The following CADPS2 variants were observed in gnomAD, a reference collection of about 807,000 sequenced individuals.
CADPS2 encodes the protein calcium-dependent secretion activator 2.
CADPS2 carries 93 observed loss-of-function variants against 172.5 expected under a neutral mutation model. The observed-to-expected ratio is 0.54, with a 90% confidence interval of 0.46 to 0.64. The LOEUF (loss-of-function observed/expected upper bound fraction) is 0.64, where lower values mean the gene tolerates loss of function less well. Among genes scored for constraint, CADPS2 ranks in the 30% least tolerant of loss-of-function variants. CADPS2 has a pLI of 0.00. For synonymous variants in CADPS2, 546 were observed against 555.2 expected, an observed-to-expected ratio of 0.98 and a Z score of 0.23; for missense variants, 1,420 against 1,565.9, an observed-to-expected ratio of 0.91 and a Z score of 1.57.
intron 2 of CADPS2, among the ~76,000 whole-genome samples, chr7:122,708,165 A>G (rs2087906060): frequency 6.6e-6 from 1 of 151,774 alleles, no homozygotes; most frequent in Non-Finnish European, 1.5e-5. Context: ...TAACTATTCT[A>G]TTAATCTCCT....
intron 17 of CADPS2, chr7:122,424,439 G>A (rs1563303517): frequency 4.4e-6 from 2 of 459,316 alleles, no homozygotes; most frequent in Non-Finnish European, 5.7e-6. Flanking sequence ...AATCCAAACT[G>A]AGCAGTCTCC....
intron 8 of CADPS2, among the ~76,000 whole-genome samples, chr7:122,518,322 A>C (rs2060527529): frequency 6.6e-6 from 1 of 152,142 alleles, no homozygotes; most frequent in African/African-American, 2.4e-5. Context: ...TAATAACTAC[A>C]TAATGCTGTA....
intron 9 of CADPS2, among the ~76,000 whole-genome samples, chr7:122,500,144 C>A (rs534957531): frequency 6.6e-4 from 101 of 152,238 alleles, no homozygotes; most frequent in African/African-American, 2.3e-3. Context: ...TTTAAAATTC[C>A]ATTTCTATAT....
chr7:122,877,631 A>G (rs1821538243), intron 1 of CADPS2, among the ~76,000 whole-genome samples: 2 of 152,214 alleles, frequency 1.3e-5, no homozygotes, highest in Non-Finnish European at 2.9e-5. Context: ...AAATATAAAA[A>G]TTAACTTGAT....
At chr7:122,610,829 T>C (rs1015587618) in intron 6 of CADPS2, among the ~76,000 whole-genome samples, 4 of 152,068 alleles carry the variant, frequency 2.6e-5, no homozygotes, top group African/African-American at 9.7e-5. Context: ...TGAAAGAGCT[T>C]CCCAACAAGT....
chr7:122,568,099 A>T (rs1384522005), intron 7 of CADPS2, among the ~76,000 whole-genome samples: 1 of 152,044 alleles, frequency 6.6e-6, no homozygotes, highest in African/African-American at 2.4e-5. Flanking sequence ...TGCTAATACT[A>T]GTCAAAAGAA....
intron 2 of CADPS2, among the ~76,000 whole-genome samples, chr7:122,696,019 A>G (rs73719745): frequency 0.013 from 2,035 of 152,290 alleles, 44 homozygotes; most frequent in African/African-American, 0.046. Flanking sequence ...GGGACTGCCA[A>G]CACTACAGAT....
chr7:122,430,476 A>G (rs535554787), intron 17 of CADPS2, among the ~76,000 whole-genome samples: 4 of 152,344 alleles, frequency 2.6e-5, no homozygotes, highest in African/African-American at 4.8e-5. Context: ...AACAAGGCAC[A>G]TGATTTAAAA....
intron 1 of CADPS2, among the ~76,000 whole-genome samples, chr7:122,872,607 A>G (rs552181043): frequency 6.6e-6 from 1 of 152,166 alleles, no homozygotes; most frequent in East Asian, 1.9e-4. Context: ...TTTTCTTATG[A>G]TATTCAGCAT....
chr7:122,636,367 C>T (rs1269796668), intron 3 of CADPS2, among the ~76,000 whole-genome samples: 1 of 151,516 alleles, frequency 6.6e-6, no homozygotes, highest in Non-Finnish European at 1.5e-5. Flanking sequence ...CTTAGTTTGG[C>T]AGGATATGAA....
chr7:122,694,863 G>C (rs971598626), intron 2 of CADPS2, among the ~76,000 whole-genome samples: 1 of 152,190 alleles, frequency 6.6e-6, no homozygotes, highest in South Asian at 2.1e-4. Flanking sequence ...ACTGGCATGA[G>C]AAAGACTCCT....
intron 3 of CADPS2, among the ~76,000 whole-genome samples, chr7:122,643,499 C>T (rs1037288170): frequency 1.3e-5 from 2 of 152,196 alleles, no homozygotes; most frequent in African/African-American, 4.8e-5. Context: ...ACAGCTGGGC[C>T]TCTCGCTTTG....
chr7:122,431,104 T>C (rs1248676195), intron 17 of CADPS2, among the ~76,000 whole-genome samples: 2 of 152,270 alleles, frequency 1.3e-5, no homozygotes, highest in East Asian at 3.8e-4. Context: ...CCTGTTATTT[T>C]AGTGTTAGTT....
chr7:122,798,231 C>A (rs1796827957), intron 1 of CADPS2, among the ~76,000 whole-genome samples: 1 of 152,074 alleles, frequency 6.6e-6, no homozygotes, highest in Non-Finnish European at 1.5e-5. Flanking sequence ...GTGCTGTGAT[C>A]GTCCCTAAAC....
chr7:122,369,413 G>A (rs753645562), intron 25 of CADPS2, among the ~76,000 whole-genome samples: 28 of 152,224 alleles, frequency 1.8e-4, no homozygotes, highest in African/African-American at 4.6e-4. Flanking sequence ...TTACAGGCGT[G>A]AGCCACTGCG....
At chr7:122,502,482 G>C (rs1158763561) in intron 9 of CADPS2, among the ~76,000 whole-genome samples, 1 of 151,554 alleles carries the variant, frequency 6.6e-6, no homozygotes, top group African/African-American at 2.4e-5. Flanking sequence ...TTCTTTAAAA[G>C]TTTTAAAGAC....
rs1475351337 is a variant in CADPS2 at position 122,527,615 on chromosome 7, AGAGTGTGT to A, written c.1476-14308_1476-14301del. Among the ~76,000 whole-genome samples, 861 of 94,190 alleles carry A rather than the reference AGAGTGTGT, an allele frequency of 9.1e-3. 3 individuals carry two copies. The highest frequency in any genetic ancestry group is 0.03 in the African/African-American group (792 of 26,790). The allele number at this position is 94,190 out of a possible 152,430, so 61.8% of individuals were successfully genotyped here. ...GAGAGAGAGAGAGAGAGAGAGAGAG[AGAGTGTGT>A]GTGTGTGTGTGTGTGTGTGTGTGTG... On this transcript the variant is annotated intron_variant, in intron 8 of 29. Transcript: ENST00000449022.
chr7:122,434,113 G>A (rs923285264), intron 17 of CADPS2, among the ~76,000 whole-genome samples: 3 of 152,060 alleles, frequency 2.0e-5, no homozygotes, highest in African/African-American at 4.8e-5. Flanking sequence ...AATGTTGTAG[G>A]GGAGAAAATG....
intron 25 of CADPS2, among the ~76,000 whole-genome samples, chr7:122,374,582 C>T (rs1381734506): frequency 6.6e-6 from 1 of 152,018 alleles, no homozygotes; most frequent in Non-Finnish European, 1.5e-5. Context: ...TAAACAAATT[C>T]AGTAAAGTTG....
Sources: allele counts gnomAD v4.1 joint callset (sites outside exome capture counted in the v4.1 genomes callset), GRCh38; gene constraint gnomAD v4.1.1; transcripts MANE v1.5; gene names NCBI Gene and HGNC (gene_info 2026-07-23, HGNC 2026-07-21).